The following ADGRL2 variants were observed in gnomAD, a reference collection of about 807,000 sequenced individuals.
ADGRL2 encodes the protein calcium-independent alpha-latrotoxin receptor 2.
Under a neutral mutation model 157.4 loss-of-function variants are expected in ADGRL2, and 44 were observed. That is an observed-to-expected ratio of 0.28 (90% CI 0.22 to 0.36). The LOEUF (loss-of-function observed/expected upper bound fraction) is 0.36, where lower values mean the gene tolerates loss of function less well. Ranked by LOEUF, ADGRL2 falls within the 10% of genes least tolerant of loss-of-function variation. The pLI, the probability that ADGRL2 is intolerant of heterozygous loss-of-function variation, is 1.00. For synonymous variants in ADGRL2, 585 were observed against 624.7 expected, an observed-to-expected ratio of 0.94 and a Z score of 0.95; for missense variants, 1,510 against 1,768.9, an observed-to-expected ratio of 0.85 and a Z score of 2.63.
chr1:81,935,524 A>G (rs1243932860), intron 3 of ADGRL2, among the ~76,000 whole-genome samples: 2 of 151,918 alleles, frequency 1.3e-5, no homozygotes, highest in African/African-American at 2.4e-5. Context: ...CTTTAACATG[A>G]TTCACCTTCT....
chr1:81,562,266 C>G (rs572427658), intron 2 of ADGRL2, among the ~76,000 whole-genome samples: 1 of 152,110 alleles, frequency 6.6e-6, no homozygotes, highest in Admixed American at 6.6e-5. Flanking sequence ...GTTTGAGGCT[C>G]TTCCGTAGCT....
chr1:81,535,888 C>T (rs2079724944), intron 2 of ADGRL2, among the ~76,000 whole-genome samples: 1 of 152,102 alleles, frequency 6.6e-6, no homozygotes, highest in African/African-American at 2.4e-5. Flanking sequence ...AAAAACCTAA[C>T]ATTTAAACAT....
intron 3 of ADGRL2, among the ~76,000 whole-genome samples, chr1:81,585,295 A>G (rs879650856): frequency 1.3e-5 from 2 of 152,098 alleles, no homozygotes; most frequent in Non-Finnish European, 2.9e-5. Context: ...CGTAGTATGG[A>G]CACTCCCAAA....
intron 1 of ADGRL2, among the ~76,000 whole-genome samples, chr1:81,710,270 C>T (rs558715912): frequency 1.2e-4 from 19 of 152,124 alleles, no homozygotes; most frequent in African/African-American, 4.6e-4. Flanking sequence ...CTTTCTATAG[C>T]AGTGTTTCTC....
At chr1:81,787,655 CA>C (rs917237269) in intron 2 of ADGRL2, among the ~76,000 whole-genome samples, 15 of 138,398 alleles carry the variant, frequency 1.1e-4, no homozygotes, top group African/African-American at 1.1e-4. Context: ...ACACTTGTCT[CA>C]AAAAAAAAAG....
chr1:81,519,174 A>G (rs1430156289), intron 2 of ADGRL2, among the ~76,000 whole-genome samples: 3 of 152,236 alleles, frequency 2.0e-5, no homozygotes, highest in Admixed American at 6.5e-5. Flanking sequence ...ACTTTCTGTT[A>G]TGCCACATTG....
intron 2 of ADGRL2, among the ~76,000 whole-genome samples, chr1:81,881,504 G>A (rs2093987005): frequency 6.6e-6 from 1 of 152,154 alleles, no homozygotes; most frequent in African/African-American, 2.4e-5. Context: ...CCATGTTCAT[G>A]TTTGAAATTG....
intron 1 of ADGRL2, among the ~76,000 whole-genome samples, chr1:81,757,776 C>T (rs901387132): frequency 1.3e-5 from 2 of 152,132 alleles, no homozygotes; most frequent in African/African-American, 2.4e-5. Context: ...CTCACCAGCT[C>T]TTTAGGTAGA....
chr1:81,700,206 C>A (rs2149028166), intron 1 of ADGRL2, among the ~76,000 whole-genome samples: 1 of 152,276 alleles, frequency 6.6e-6, no homozygotes, highest in East Asian at 1.9e-4. Context: ...CTGAAGATGT[C>A]TTTTCAAAAG....
intron 1 of ADGRL2, among the ~76,000 whole-genome samples, chr1:81,309,366 T>C (rs1570581030): frequency 6.6e-6 from 1 of 152,258 alleles, no homozygotes; most frequent in Non-Finnish European, 1.5e-5. Context: ...CATCCCCATT[T>C]CAAAGATAAA....
At chr1:81,551,104 T>C (rs2080134932) in intron 2 of ADGRL2, among the ~76,000 whole-genome samples, 1 of 152,184 alleles carries the variant, frequency 6.6e-6, no homozygotes, top group South Asian at 2.1e-4. Flanking sequence ...TCCTGCAAGT[T>C]GATGTAAGGA....
chr1:81,925,054 C>T (rs183210598), intron 3 of ADGRL2, among the ~76,000 whole-genome samples: 2 of 152,132 alleles, frequency 1.3e-5, no homozygotes, highest in East Asian at 3.9e-4. Context: ...AGGGTATACT[C>T]TCTATAAGTA....
At chr1:81,309,146 G>A (rs1442511777) in intron 1 of ADGRL2, among the ~76,000 whole-genome samples, 1 of 152,110 alleles carries the variant, frequency 6.6e-6, no homozygotes, top group African/African-American at 2.4e-5. Flanking sequence ...GGGAAATGAT[G>A]TGCGTCATCA....
At chr1:81,665,751 C>G (rs2082738876) in intron 3 of ADGRL2, among the ~76,000 whole-genome samples, 1 of 152,022 alleles carries the variant, frequency 6.6e-6, no homozygotes, top group Non-Finnish European at 1.5e-5. Flanking sequence ...GTTCAAGGTA[C>G]CTTCCATTTC....
At chr1:81,858,981 T>A (rs2093302053) in intron 2 of ADGRL2, among the ~76,000 whole-genome samples, 1 of 152,218 alleles carries the variant, frequency 6.6e-6, no homozygotes, top group African/African-American at 2.4e-5. Context: ...CAGTGTTGAC[T>A]GAGTAAATGT....
In ADGRL2 at chr1:81,725,364, C is replaced by A. The variant is rs138160672; in HGVS notation, c.-143+25556C>A. On this transcript the variant is annotated intron_variant, in intron 1 of 20. Coordinates refer to the ADGRL2 transcript ENST00000359929. ...ACCAGTCTGGCCAACATAGTGAAAC[C>A]CTGTCTTTACTAAAAATACAAAAAA... Among the ~76,000 whole-genome samples the A allele has an allele frequency of 9.5e-3, 1,448 of 151,854 alleles. 26 individuals are homozygous for A. Among genetic ancestry groups the A allele is most frequent in the African/African-American group, 0.033 (1,379 of 41,386 alleles).
At chr1:81,761,123 A>G (rs9660034) in intron 1 of ADGRL2, among the ~76,000 whole-genome samples, 70,973 of 151,572 alleles carry the variant, frequency 0.47, 17,298 homozygotes, top group East Asian at 0.89. Flanking sequence ...GAACATTAGG[A>G]TTTATAGTTT....
At chr1:81,427,198 T>C (rs750470405) in intron 1 of ADGRL2, 7 of 825,170 alleles carry the variant, frequency 8.5e-6, no homozygotes, top group Non-Finnish European at 6.4e-6. Context: ...ATTTTGGCCA[T>C]GGTGGCAACT....
At chr1:81,423,969 A>G (rs1321955535) in intron 1 of ADGRL2, among the ~76,000 whole-genome samples, 2 of 152,242 alleles carry the variant, frequency 1.3e-5, no homozygotes, top group Non-Finnish European at 2.9e-5. Flanking sequence ...CAGGCTTTCT[A>G]TATAGTTGGT....
Sources: gnomAD v4.1 joint callset for allele counts (sites outside exome capture counted in the v4.1 genomes callset) on GRCh38, gnomAD v4.1.1 for gene constraint, MANE v1.5 for transcripts, NCBI Gene and HGNC (gene_info 2026-07-23, HGNC 2026-07-21) for gene names.